TTC28: variants seen among roughly 807,000 people sequenced by gnomAD.
TTC28 encodes the protein tetratricopeptide repeat protein 28.
A neutral mutation model predicts 198.0 loss-of-function variants in TTC28; 61 were observed. That is an observed-to-expected ratio of 0.31 (90% CI 0.25 to 0.38). The LOEUF (loss-of-function observed/expected upper bound fraction) is 0.38, where lower values mean the gene tolerates loss of function less well. Among genes scored for constraint, TTC28 ranks in the 10% least tolerant of loss-of-function variants. The pLI is 1.00. For missense variants in TTC28, 2,678 were observed against 3,164.0 expected (o/e 0.85, Z 3.69); for synonymous variants, 1,171 against 1,297.8 (o/e 0.90, Z 2.10).
chr22:28,094,579 G>A (rs1941915674), intron 11 of TTC28, among the ~76,000 whole-genome samples: 1 of 152,142 alleles, frequency 6.6e-6, no homozygotes, highest in South Asian at 2.1e-4. Flanking sequence ...CTCCTTTCAG[G>A]AATAGTGCAT....
chr22:28,205,480 T>G (rs186251036), intron 5 of TTC28, among the ~76,000 whole-genome samples: 1 of 152,044 alleles, frequency 6.6e-6, no homozygotes, highest in Admixed American at 6.6e-5. Context: ...CAGGGTCAAG[T>G]TGATATGAAA....
chr22:28,169,614 G>A (rs1041383502), intron 5 of TTC28, among the ~76,000 whole-genome samples: 16 of 152,076 alleles, frequency 1.1e-4, no homozygotes, highest in African/African-American at 3.9e-4. Flanking sequence ...GGTGGGAACT[G>A]AACAATCAGA....
intron 17 of TTC28, among the ~76,000 whole-genome samples, chr22:27,995,792 C>T (rs775654079): frequency 6.6e-6 from 1 of 152,184 alleles, no homozygotes; most frequent in Non-Finnish European, 1.5e-5. Context: ...TCACTGTCGT[C>T]GGCTGCCCTT....
intron 5 of TTC28, among the ~76,000 whole-genome samples, chr22:28,167,289 T>C (rs942966004): frequency 6.6e-5 from 10 of 151,992 alleles, no homozygotes; most frequent in African/African-American, 2.2e-4. Context: ...TTCCAATCAA[T>C]AGAAAAAGAG....
intron 5 of TTC28, among the ~76,000 whole-genome samples, chr22:28,193,830 G>C (rs951783888): frequency 6.6e-6 from 1 of 151,950 alleles, no homozygotes; most frequent in Non-Finnish European, 1.5e-5. Flanking sequence ...TCCCACGCAA[G>C]AATAATGAGA....
At chr22:28,224,613 G>A (rs749016396) in intron 5 of TTC28, among the ~76,000 whole-genome samples, 1 of 152,160 alleles carries the variant, frequency 6.6e-6, no homozygotes, top group Non-Finnish European at 1.5e-5. Context: ...GTCCAGAATG[G>A]ATATGTATTT....
intron 6 of TTC28, among the ~76,000 whole-genome samples, chr22:28,140,334 C>T (rs1943302401): frequency 6.6e-6 from 1 of 152,206 alleles, no homozygotes; most frequent in South Asian, 2.1e-4. Flanking sequence ...CTCTGAATCT[C>T]CCCTCAGAGC....
intron 15 of TTC28, chr22:28,001,142 A>G (rs1330594345): frequency 5.9e-6 from 3 of 507,152 alleles, no homozygotes; most frequent in Non-Finnish European, 1.1e-5. Flanking sequence ...TAGACATGAC[A>G]CAAACTGTGG....
chr22:27,996,323 TC>T, intron 16 of TTC28, 64 bp from the exon 17 acceptor site: 2 of 1,525,624 alleles, frequency 1.3e-6, no homozygotes, highest in Non-Finnish European at 1.8e-6. Flanking sequence ...CACCCCGGCT[TC>T]CAGGGCTCAC....
chr22:28,360,950 T>C (rs530832658), intron 2 of TTC28, among the ~76,000 whole-genome samples: 2 of 152,356 alleles, frequency 1.3e-5, no homozygotes, highest in East Asian at 3.9e-4. Context: ...TGTAATTGTT[T>C]TGGGATACCA....
intron 6 of TTC28, among the ~76,000 whole-genome samples, chr22:28,161,225 G>T (rs1921139840): frequency 6.6e-6 from 1 of 152,180 alleles, no homozygotes; most frequent in Admixed American, 6.5e-5. Flanking sequence ...ATCTGTAAAT[G>T]CTTGTAATAT....
chr22:28,306,676 C>A (rs766620218), intron 2 of TTC28, 33 bp from the exon 3 acceptor site: 2 of 1,548,784 alleles, frequency 1.3e-6, no homozygotes, highest in South Asian at 1.2e-5. Context: ...ATATATAATG[C>A]CTGTGCTCCA....
At chr22:28,390,626 C>T (rs367799366) in intron 2 of TTC28, among the ~76,000 whole-genome samples, 11 of 152,146 alleles carry the variant, frequency 7.2e-5, no homozygotes, top group African/African-American at 1.4e-4. Flanking sequence ...TTGATCTTTG[C>T]TGGTTTAAAG....
intron 6 of TTC28, among the ~76,000 whole-genome samples, chr22:28,142,944 CTG>C (rs1274124234): frequency 6.6e-6 from 1 of 152,226 alleles, no homozygotes. Flanking sequence ...ACCAAGCCAT[CTG>C]TACATTTTTC....
intron 5 of TTC28, among the ~76,000 whole-genome samples, chr22:28,264,327 C>A (rs2147307815): frequency 6.6e-6 from 1 of 152,272 alleles, no homozygotes; most frequent in East Asian, 1.9e-4. Context: ...GAGAGGCCTC[C>A]CCAGCCATGT....
chr22:28,369,420 A>T (rs1353025828), intron 2 of TTC28, among the ~76,000 whole-genome samples: 1 of 152,222 alleles, frequency 6.6e-6, no homozygotes, highest in South Asian at 2.1e-4. Context: ...TGTCAACTAC[A>T]GAAATATTTG....
intron 2 of TTC28, among the ~76,000 whole-genome samples, chr22:28,370,507 T>C (rs1400536182): frequency 2.6e-5 from 4 of 152,238 alleles, no homozygotes; most frequent in African/African-American, 9.6e-5. Context: ...ATAAAAACTA[T>C]TCTATATCTT....
chr22:28,297,634 T>C lies in TTC28; in HGVS notation c.748A>G (p.Thr250Ala). Residue 250 changes from threonine to alanine, a missense_variant, in exon 4 of 23, where the codon ACA becomes GCA. Physicochemically the swap from Thr to Ala is moderately conservative, Grantham distance 58. Coordinates refer to ENST00000397906, the MANE Select transcript of TTC28 (RefSeq NM_001145418.2). ...LSSAYWSLGN[T>A]EKSTGYMQQD... is the part of the protein sequence containing the mutation. ...TGCATATATCCGGTGCTCTTCTCTG[T>C]ATTTCCAAGAGACCAGTAAGCACTG... 3 of 1,551,720 alleles carry C rather than the reference T, an allele frequency of 1.9e-6. No homozygotes were observed. The highest frequency in any genetic ancestry group is 1.2e-5 in the South Asian group (1 of 84,060).
At chr22:28,412,613 A>G (rs1428482560) in intron 2 of TTC28, among the ~76,000 whole-genome samples, 1 of 152,192 alleles carries the variant, frequency 6.6e-6, no homozygotes, top group African/African-American at 2.4e-5. Context: ...TGTGCTAGAT[A>G]TATGCTTTCC....
Sources: allele counts gnomAD v4.1 joint callset (sites outside exome capture counted in the v4.1 genomes callset), GRCh38; gene constraint gnomAD v4.1.1; transcripts MANE v1.5; gene names NCBI Gene and HGNC (gene_info 2026-07-23, HGNC 2026-07-21).